CNDP1: variants seen among roughly 807,000 people sequenced by gnomAD.
CNDP1 encodes beta-Ala-His dipeptidase.
A neutral mutation model predicts 58.1 loss-of-function variants in CNDP1; 44 were observed. That is an observed-to-expected ratio of 0.76 (90% confidence interval 0.60 to 0.97). The LOEUF (loss-of-function observed/expected upper bound fraction) is 0.97, where lower values mean the gene tolerates loss of function less well. CNDP1 is among the 50% of genes least tolerant of loss of function. The pLI, the probability that CNDP1 is intolerant of heterozygous loss-of-function variation, is 0.00. For synonymous variants in CNDP1, 254 were observed against 252.6 expected (o/e 1.01, Z -0.05); for missense variants, 616 against 655.1 (o/e 0.94, Z 0.65).
rs1429059577 is a variant in CNDP1 at position 74,547,965 on chromosome 18, C to T, written c.25-8373C>T. ...AGGCCTATGCAGCAAGTGGGGTTCC[C>T]CTCAGGGTCCCATAGCCAGTGGGAG... On this transcript the variant is annotated intron_variant, in intron 1 of 11. Coordinates refer to ENST00000358821, the MANE Select transcript of CNDP1 (RefSeq NM_032649.6). Among the ~76,000 whole-genome samples the T allele has an allele frequency of 2.0e-5, 3 of 152,126 alleles. No individual in the cohort carries two copies. In the East Asian group the frequency reaches 5.8e-4, roughly 29 times the overall value.
intron 1 of CNDP1, among the ~76,000 whole-genome samples, chr18:74,536,340 T>A (rs1980486439): frequency 6.6e-6 from 1 of 152,196 alleles, no homozygotes; most frequent in African/African-American, 2.4e-5. Context: ...CCTCTATGTG[T>A]CCATGTGTTC....
At chr18:74,546,393 G>A (rs1014309697) in intron 1 of CNDP1, among the ~76,000 whole-genome samples, 2 of 152,282 alleles carry the variant, frequency 1.3e-5, no homozygotes, top group Middle Eastern at 3.4e-3. Context: ...TGGGAGCACC[G>A]AGGGCCCACC....
rs369650332 is a variant in CNDP1 at position 74,584,617 on chromosome 18, T to A, written c.*55T>A. ...CACTGACAGATTCACCTCCCCCACA[T>A]CCCTAGACAGGGATGGAATGTAAAT... On this transcript the variant is annotated 3_prime_UTR_variant, in exon 12 of 12. Transcript: ENST00000358821. 65 of 1,322,140 alleles carry A rather than the reference T, an allele frequency of 4.9e-5. No individual in the cohort carries two copies. In the African/African-American group the frequency reaches 7.4e-4, roughly 15 times the overall value. The allele number at this position is 1,322,140 out of a possible 1,614,324, so 81.9% of individuals were successfully genotyped here.
rs1265926585 is a variant in CNDP1, at chr18:74,587,210, A to G, written c.*2648A>G. The G allele has an allele frequency of 6.6e-6, 1 of 152,230 alleles. No homozygotes were observed. The highest frequency in any genetic ancestry group is 2.4e-5 in the African/African-American group (1 of 41,454). 9.4% of individuals were successfully genotyped at this position (152,230 alleles called of 1,614,324 possible). A position where few individuals can be genotyped will look rare whatever the true frequency, so the allele number is the denominator to read the frequency against. Reference sequence around the variant, plus strand: ...ATAAAAATAAAATGTACTGGCTTGGAAACTTCGGTGATTGTGTGCCAGACA... The same window carrying G: ...ATAAAAATAAAATGTACTGGCTTGGGAACTTCGGTGATTGTGTGCCAGACA... On this transcript the variant is annotated 3_prime_UTR_variant, in exon 12 of 12. Transcript: ENST00000358821.
chr18:74,538,607 C>G (rs113256096), intron 1 of CNDP1, among the ~76,000 whole-genome samples: 1 of 152,312 alleles, frequency 6.6e-6, no homozygotes, highest in African/African-American at 2.4e-5. Flanking sequence ...GTCTGAGGAA[C>G]TGCCAGACTG....
Position 74,584,554 on chromosome 18 carries a change from C to A in CNDP1, c.1516C>A (p.Leu506Ile). The A allele has an allele frequency of 9.3e-6, 15 of 1,613,008 alleles. No homozygotes were observed. Among genetic ancestry groups the A allele is most frequent in the Non-Finnish European group, 1.3e-5 (15 of 1,178,974 alleles). ...TGCCTTTTTCTTAGAGATGGCCCAG[C>A]TCCATTAATCACAAGAACCTTCTAG... is the stretch of plus-strand genomic sequence containing the variant. ...FAAFFLEMAQLH is the reference protein window; with the variant it reads ...FAAFFLEMAQIH The change falls in exon 12 of 12, where the codon CTC becomes ATC. Residue 506 changes from leucine (L) to isoleucine (I), a missense_variant. Coordinates refer to ENST00000358821, the MANE Select transcript of CNDP1 (RefSeq NM_032649.6).
chr18:74,537,267 G>A (rs1408180318), intron 1 of CNDP1, among the ~76,000 whole-genome samples: 1 of 152,038 alleles, frequency 6.6e-6, no homozygotes, highest in Admixed American at 6.6e-5. Context: ...TAGAGTCTGG[G>A]GTTTTATGTT....
At chr18:74,548,575 G>GA (rs1195111826) in intron 1 of CNDP1, among the ~76,000 whole-genome samples, 1 of 152,194 alleles carries the variant, frequency 6.6e-6, no homozygotes, top group Non-Finnish European at 1.5e-5. Context: ...GCCTAACACA[G>GA]AAAAGTGGTA....
chr18:74,569,846 T>G (rs1270906286), intron 6 of CNDP1, among the ~76,000 whole-genome samples: 1 of 152,150 alleles, frequency 6.6e-6, no homozygotes, highest in African/African-American at 2.4e-5. Context: ...AATATGTGAA[T>G]GTTATAGACT....
At chr18:74,555,697 G>T (rs1436784674) in intron 1 of CNDP1, among the ~76,000 whole-genome samples, 1 of 152,102 alleles carries the variant, frequency 6.6e-6, no homozygotes, top group Non-Finnish European at 1.5e-5. Flanking sequence ...ACAGGGTTGT[G>T]GTTGGGTCTC....
rs1981622135 is a variant in CNDP1, at chr18:74,575,861, GTA to G, written c.842-1005_842-1004del. Among the ~76,000 whole-genome samples, 6 of 138,416 alleles carry G rather than the reference GTA, an allele frequency of 4.3e-5. No individual in the cohort carries two copies. The South Asian group carries it at 1.2e-3, about 27-fold the overall frequency. The allele number at this position is 138,416 out of a possible 152,430, so 90.8% of individuals were successfully genotyped here. A position where few individuals can be genotyped will look rare whatever the true frequency, so the allele number is the denominator to read the frequency against. On this transcript the variant is annotated intron_variant, in intron 7 of 11. Transcript: ENST00000358821. ...TGTGTGTGTGTGTGTGTGTGTGTGTGTATACATTTTTTTTTTTTTTTTTTTTG... is the reference window on the plus strand; with the variant it reads ...TGTGTGTGTGTGTGTGTGTGTGTGTGTACATTTTTTTTTTTTTTTTTTTTG...
chr18:74,560,743 AACTGATGCTCAG>A lies in CNDP1; in HGVS notation c.304-112_304-101del. ...ATGGGACTCATTTTAGAGATGGAGA[AACTGATGCTCAG>A]TTTCTCCCAATGTCAAACAAGACTC... On this transcript the variant is annotated intron_variant, in intron 3 of 11. Coordinates refer to ENST00000358821, the MANE Select transcript of CNDP1 (RefSeq NM_032649.6). 3 of 978,034 alleles carry A rather than the reference AACTGATGCTCAG, an allele frequency of 3.1e-6. No individual in the cohort carries two copies. In the Admixed American group the frequency reaches 6.2e-5, roughly 20 times the overall value. The allele number at this position is 978,034 out of a possible 1,614,324, so 60.6% of individuals were successfully genotyped here. A position where few individuals can be genotyped will look rare whatever the true frequency, so the allele number is the denominator to read the frequency against.
At chr18:74,579,202 TGCC>T (rs1568300979) in intron 9 of CNDP1, among the ~76,000 whole-genome samples, 31 of 84,632 alleles carry the variant, frequency 3.7e-4, no homozygotes, top group African/African-American at 1.4e-3. Context: ...TCCCTTCCCT[TGCC>T]TTCCCTTCCC....
chr18:74,557,834 G>C (rs929188191), intron 2 of CNDP1, among the ~76,000 whole-genome samples: 3 of 152,214 alleles, frequency 2.0e-5, no homozygotes, highest in Non-Finnish European at 2.9e-5. Context: ...CCAGCCTACT[G>C]TTCCTAAATC....
chr18:74,566,868 A>T (rs1482597986), intron 5 of CNDP1, among the ~76,000 whole-genome samples: 2 of 152,182 alleles, frequency 1.3e-5, no homozygotes, highest in Non-Finnish European at 2.9e-5. Flanking sequence ...GTCCATTTTC[A>T]TGCTGTTGAT....
chr18:74,548,226 A>T (rs1273611359), intron 1 of CNDP1, among the ~76,000 whole-genome samples: 1 of 152,190 alleles, frequency 6.6e-6, no homozygotes, highest in Admixed American at 6.5e-5. Context: ...TTGAGATGTG[A>T]TCCCCAATGT....
At chr18:74,561,761 T>G (rs1981205249) in intron 4 of CNDP1, among the ~76,000 whole-genome samples, 1 of 152,160 alleles carries the variant, frequency 6.6e-6, no homozygotes. Context: ...TTGGATAAAA[T>G]AGCTAATTAT....
intron 1 of CNDP1, 139 bp downstream of exon 1, chr18:74,534,830 G>A: frequency 1.2e-6 from 1 of 859,374 alleles, no homozygotes; most frequent in Non-Finnish European, 1.9e-6. Flanking sequence ...GGTGTTCTTA[G>A]GTGCTGTCTT....
chr18:74,548,201 C>T (rs1980812167), intron 1 of CNDP1, among the ~76,000 whole-genome samples: 1 of 152,308 alleles, frequency 6.6e-6, no homozygotes, highest in Non-Finnish European at 1.5e-5. Context: ...ATCTGTGTCC[C>T]TGCCAAATCT....
Sources: allele counts gnomAD v4.1 joint callset (sites outside exome capture counted in the v4.1 genomes callset), GRCh38; gene constraint gnomAD v4.1.1; transcripts MANE v1.5; gene names NCBI Gene and HGNC (gene_info 2026-07-23, HGNC 2026-07-21).